ARHGAP20: variants seen among roughly 807,000 people sequenced by gnomAD.
ARHGAP20 encodes the protein rho GTPase-activating protein 20.
ARHGAP20 carries 34 observed loss-of-function variants against 73.7 expected under a neutral mutation model. The observed-to-expected ratio is 0.46, with a 90% CI of 0.35 to 0.61. The LOEUF is 0.61. ARHGAP20 is among the 20% of genes least tolerant of loss of function. The probability of loss-of-function intolerance (pLI) is 0.00; values close to 1 mark genes in which losing one functional copy is unlikely to be tolerated. For missense variants in ARHGAP20, 1,314 were observed against 1,420.9 expected (o/e 0.92, Z 1.21); for synonymous variants, 523 against 518.2 (o/e 1.01, Z -0.13).
chr11:110,703,358 A>G (rs1950493715), intron 1 of ARHGAP20, among the ~76,000 whole-genome samples: 1 of 152,126 alleles, frequency 6.6e-6, no homozygotes, highest in Non-Finnish European at 1.5e-5. Flanking sequence ...AATGGGCACT[A>G]GGCTAGGAGA....
At chr11:110,681,915 G>GA in intron 2 of ARHGAP20, among the ~76,000 whole-genome samples, 1 of 152,032 alleles carries the variant, frequency 6.6e-6, no homozygotes, top group Non-Finnish European at 1.5e-5. Flanking sequence ...AAAACTCCTA[G>GA]AGCCTCTTCA....
At position 110,674,548 on chromosome 11, in the gene ARHGAP20, T is replaced by C. The variant is rs185843929; in HGVS notation, c.188+15999A>G. 1.5e-3 allele frequency among the ~76,000 whole-genome samples: 232 copies of C among 152,286 alleles called. 1 individual carries two copies. Among genetic ancestry groups the C allele is most frequent in the Non-Finnish European group, 2.7e-3 (183 of 68,022 alleles). ...GTGCAAAATTATTTAAAATATTATA[T>C]AAAATTACCCTCAGGCTACATTTAT... is the stretch of plus-strand genomic sequence containing the variant. On this transcript the variant is annotated intron_variant, in intron 2 of 14. Coordinates refer to ENST00000683387, the MANE Select transcript of ARHGAP20 (RefSeq NM_001384657.1).
At chr11:110,590,943 G>A in intron 10 of ARHGAP20, 134 bp from the exon 11 acceptor site, 1 of 934,212 alleles carries the variant, frequency 1.1e-6, no homozygotes, top group Non-Finnish European at 1.5e-6. Flanking sequence ...CTAAATAAAT[G>A]GCCGGAAAAA....
intron 8 of ARHGAP20, among the ~76,000 whole-genome samples, chr11:110,608,173 T>C (rs190706324): frequency 2.0e-5 from 3 of 152,282 alleles, no homozygotes; most frequent in Admixed American, 2.0e-4. Context: ...GCATACAATA[T>C]GCTCTGCACG....
intron 10 of ARHGAP20, among the ~76,000 whole-genome samples, chr11:110,591,166 C>T (rs950376502): frequency 3.3e-5 from 5 of 152,146 alleles, no homozygotes; most frequent in African/African-American, 1.2e-4. Context: ...CTCTAATTTT[C>T]CTTTCTATCA....
intron 2 of ARHGAP20, among the ~76,000 whole-genome samples, chr11:110,636,186 A>G (rs1395407150): frequency 3.3e-5 from 5 of 152,112 alleles, no homozygotes; most frequent in Non-Finnish European, 5.9e-5. Context: ...ATTTCTGTCA[A>G]AACTATTCAA....
intron 2 of ARHGAP20, among the ~76,000 whole-genome samples, chr11:110,633,775 G>T (rs1211618077): frequency 6.6e-6 from 1 of 152,126 alleles, no homozygotes; most frequent in Non-Finnish European, 1.5e-5. Flanking sequence ...TTGTGGCTGG[G>T]GAAGAAGAGA....
intron 9 of ARHGAP20, among the ~76,000 whole-genome samples, chr11:110,594,833 CA>C (rs36191629): frequency 0.34 from 49,386 of 145,744 alleles, 10,233 homozygotes; most frequent in African/African-American, 0.6. Context: ...AGAGACACAA[CA>C]AAAAAAAAAA....
At position 110,581,039 on chromosome 11, in the gene ARHGAP20, A is replaced by G; in HGVS notation, c.1907T>C (p.Leu636Pro). The G allele has an allele frequency of 6.2e-7, 1 of 1,614,184 alleles. No individual in the cohort carries two copies. The highest frequency in any genetic ancestry group is 8.5e-7 in the Non-Finnish European group (1 of 1,180,028). The change falls in exon 15 of 15, where the codon CTA becomes CCA. Residue 636 changes from leucine to proline, a missense_variant. Physicochemically the swap from Leu to Pro is moderately conservative, Grantham distance 98 (BLOSUM62 -3). Around this residue, in one of 3 missense-constraint regions of ARHGAP20, gnomAD observed 230 missense variants for 317.6 expected, o/e 0.72. Transcript: ENST00000683387. ...AGAATGGGCCAAGTCAAAGTCGCTT[A>G]GGGTTAAAAGGCCTTCCACCTCGGG... is the stretch of plus-strand genomic sequence containing the variant. ...DQPEVEGLLT[L>P]SDFDLAHSKD...
At chr11:110,612,813 A>G (rs1245888550) in intron 6 of ARHGAP20, among the ~76,000 whole-genome samples, 1 of 152,222 alleles carries the variant, frequency 6.6e-6, no homozygotes. Context: ...AAAAGCATTT[A>G]AAATGCACAA....
intron 12 of ARHGAP20, among the ~76,000 whole-genome samples, chr11:110,584,008 G>A (rs1290050354): frequency 6.6e-6 from 1 of 152,020 alleles, no homozygotes; most frequent in African/African-American, 2.4e-5. Flanking sequence ...TAAAAAAAAT[G>A]CTGCCTGAAA....
Position 110,579,719 on chromosome 11 carries a change from T to C in ARHGAP20, c.3227A>G (p.His1076Arg), listed in dbSNP as rs773730819. 1 of 1,614,118 alleles carries C rather than the reference T, an allele frequency of 6.2e-7. No homozygotes were observed. The highest frequency in any genetic ancestry group is 1.1e-5 in the South Asian group (1 of 91,074). ...SPKGPLEPPP[H>R]ASGVPEANSL... is the part of the protein sequence containing the mutation. ...GTTGGCTTCTGGAACACCAGAAGCA[T>C]GTGGGGGTGGCTCTAAGGGTCCTTT... The change falls in exon 15 of 15, where the codon CAT becomes CGT. Residue 1076 changes from histidine (H) to arginine (R), a missense_variant. His to Arg is a conservative substitution (Grantham distance 29, BLOSUM62 0). Coordinates refer to ENST00000683387, the MANE Select transcript of ARHGAP20 (RefSeq NM_001384657.1).
At chr11:110,606,838 T>C (rs1948244050) in intron 8 of ARHGAP20, 89 bp from the exon 9 acceptor site, 1 of 1,151,732 alleles carries the variant, frequency 8.7e-7, no homozygotes, top group African/African-American at 1.6e-5. Flanking sequence ...TGCAATTTAC[T>C]CCTGGGACTT....
intron 4 of ARHGAP20, among the ~76,000 whole-genome samples, chr11:110,620,613 TCA>T (rs948196284): frequency 8.5e-5 from 13 of 152,230 alleles, no homozygotes; most frequent in African/African-American, 3.1e-4. Context: ...GTCTTTCACT[TCA>T]GTGTGAAAAA....
At chr11:110,651,500 G>A (rs916424002) in intron 2 of ARHGAP20, among the ~76,000 whole-genome samples, 1 of 151,014 alleles carries the variant, frequency 6.6e-6, no homozygotes, top group African/African-American at 2.4e-5. Flanking sequence ...TGGAAGAAGA[G>A]ACAGAAGAAT....
intron 2 of ARHGAP20, among the ~76,000 whole-genome samples, chr11:110,683,905 AT>A (rs1950082745): frequency 6.6e-6 from 1 of 152,176 alleles, no homozygotes; most frequent in Non-Finnish European, 1.5e-5. Flanking sequence ...TGATTTAGTC[AT>A]GAGGGCAGAG....
chr11:110,583,207 A>G (rs796710737), intron 13 of ARHGAP20, among the ~76,000 whole-genome samples: 6 of 152,334 alleles, frequency 3.9e-5, no homozygotes, highest in African/African-American at 1.4e-4. Flanking sequence ...ATTTTGCCCA[A>G]GACTGTACAT....
intron 10 of ARHGAP20, among the ~76,000 whole-genome samples, chr11:110,591,041 T>C (rs1195680502): frequency 5.3e-5 from 8 of 152,130 alleles, no homozygotes. Flanking sequence ...GGTCAAAGGA[T>C]ACAAAATTTC....
intron 2 of ARHGAP20, 77 bp from the exon 3 acceptor site, chr11:110,630,869 T>C (rs772517214): frequency 6.8e-6 from 10 of 1,475,148 alleles, no homozygotes; most frequent in Non-Finnish European, 8.3e-6. Flanking sequence ...TTCTGTAATT[T>C]TTTTTAATAC....
Sources: allele counts gnomAD v4.1 joint callset (sites outside exome capture counted in the v4.1 genomes callset), GRCh38; gene constraint gnomAD v4.1.1; regional missense constraint gnomAD v4.1.1; transcripts MANE v1.5; gene names NCBI Gene and HGNC (gene_info 2026-07-23, HGNC 2026-07-21).